CELF2: variants seen among roughly 807,000 people sequenced by gnomAD.
The protein encoded by CELF2 is CUG triplet repeat RNA-binding protein 2.
CELF2 carries 8 observed loss-of-function variants against 62.6 expected under a neutral mutation model. That is an observed-to-expected ratio of 0.13 (90% CI 0.07 to 0.23). The LOEUF (loss-of-function observed/expected upper bound fraction) is 0.23. Ranked by LOEUF, CELF2 falls within the 10% of genes least tolerant of loss-of-function variation. The probability of loss-of-function intolerance (pLI) is 1.00; values close to 1 mark genes in which losing one functional copy is unlikely to be tolerated. For missense variants in CELF2, 333 were observed against 671.0 expected, an observed-to-expected ratio of 0.50 and a Z score of 5.56; for synonymous variants, 258 against 250.0, an observed-to-expected ratio of 1.03 and a Z score of -0.30.
chr10:10,618,541 C>G, the CELF2 span, among the ~76,000 whole-genome samples: 2 of 152,092 alleles, frequency 1.3e-5, no homozygotes, highest in Non-Finnish European at 2.9e-5. Context: ...CAAAGCACCC[C>G]GACCATTCCT....
intron 2 of CELF2, among the ~76,000 whole-genome samples, chr10:11,198,076 C>T (rs996277253): frequency 4.6e-5 from 7 of 152,140 alleles, no homozygotes; most frequent in South Asian, 2.1e-4. Flanking sequence ...TGTGGTTCCA[C>T]GGCTTTTAAC....
intron 1 of CELF2, among the ~76,000 whole-genome samples, chr10:11,121,695 AT>A (rs201186281): frequency 6.6e-6 from 1 of 150,564 alleles, no homozygotes; most frequent in Non-Finnish European, 1.5e-5. Flanking sequence ...AGAGGCTAGT[AT>A]TTTTTTTGTT....
In CELF2 at chr10:11,124,484, C is replaced by G. The variant is rs573585993; in HGVS notation, c.75-41002C>G. Among the ~76,000 whole-genome samples the G allele has an allele frequency of 1.5e-4, 23 of 152,200 alleles. No individual in the cohort carries two copies. The South Asian group carries it at 3.5e-3, about 23-fold the overall frequency. ...GCATTACAAAGATGAATGTAATAAA[C>G]TTGATGTTTTTTAGATCTAAAACAG... On this transcript the variant is annotated intron_variant, in intron 1 of 12. Transcript: ENST00000633077.
chr10:11,158,732 G>A (rs1211788486), intron 1 of CELF2, among the ~76,000 whole-genome samples: 1 of 152,056 alleles, frequency 6.6e-6, no homozygotes, highest in Non-Finnish European at 1.5e-5. Context: ...TTTTCTGCAG[G>A]AATAGTTCTC....
intron 1 of CELF2, among the ~76,000 whole-genome samples, chr10:11,044,066 C>G (rs2062356000): frequency 6.6e-6 from 1 of 152,238 alleles, no homozygotes; most frequent in Non-Finnish European, 1.5e-5. Flanking sequence ...GCCTTTGCGT[C>G]TTCACTTCTT....
chr10:11,265,039 G>C (rs1247627591), intron 5 of CELF2, among the ~76,000 whole-genome samples: 1 of 152,246 alleles, frequency 6.6e-6, no homozygotes, highest in African/African-American at 2.4e-5. Context: ...GTTGTGCTTT[G>C]AGGGTAATGG....
chr10:10,711,699 T>C, the CELF2 span, among the ~76,000 whole-genome samples: 1 of 152,018 alleles, frequency 6.6e-6, no homozygotes, highest in Non-Finnish European at 1.5e-5. Flanking sequence ...TTGGCCAATA[T>C]GGTGAAACTC....
chr10:11,186,564 G>A (rs2074989034), intron 2 of CELF2, among the ~76,000 whole-genome samples: 1 of 151,814 alleles, frequency 6.6e-6, no homozygotes, highest in African/African-American at 2.4e-5. Flanking sequence ...TTTCTCTTTT[G>A]ATTTCTTCTT....
the CELF2 span, among the ~76,000 whole-genome samples, chr10:10,629,388 A>G: frequency 1.3e-5 from 2 of 152,066 alleles, no homozygotes; most frequent in African/African-American, 4.8e-5. Context: ...TGCTCACAAA[A>G]TGCACCCCTA....
the CELF2 span, among the ~76,000 whole-genome samples, chr10:10,530,282 T>C: frequency 2.0e-5 from 3 of 152,138 alleles, no homozygotes; most frequent in African/African-American, 7.2e-5. Flanking sequence ...AAAAAGATTG[T>C]GAGGAGATGT....
At chr10:10,551,661 C>T in the CELF2 span, among the ~76,000 whole-genome samples, 3 of 152,096 alleles carry the variant, frequency 2.0e-5, no homozygotes, top group Non-Finnish European at 4.4e-5. Flanking sequence ...CTGCGCATGC[C>T]CACTAAGGCC....
At chr10:10,630,459 A>T in the CELF2 span, among the ~76,000 whole-genome samples, 1 of 152,164 alleles carries the variant, frequency 6.6e-6, no homozygotes, top group Admixed American at 6.5e-5. Context: ...TCTAATCTCT[A>T]TCTCTACTCC....
At chr10:10,713,899 G>A in the CELF2 span, among the ~76,000 whole-genome samples, 1 of 152,118 alleles carries the variant, frequency 6.6e-6, no homozygotes, top group African/African-American at 2.4e-5. Context: ...GCTGGGTGTG[G>A]CGGCACGTGT....
At chr10:10,919,932 T>C in intron 1 of CELF2, 1 of 1,223,304 alleles carries the variant, frequency 8.2e-7, no homozygotes. Flanking sequence ...ATAAACTTAA[T>C]CATACTTATC....
intron 1 of CELF2, among the ~76,000 whole-genome samples, chr10:10,830,393 T>A (rs1172193520): frequency 6.6e-6 from 1 of 152,180 alleles, no homozygotes; most frequent in Non-Finnish European, 1.5e-5. Flanking sequence ...ATAGCTATTT[T>A]ATAGCAAGTC....
intron 2 of CELF2, among the ~76,000 whole-genome samples, chr10:11,174,318 GT>G (rs1193478621): frequency 2.0e-5 from 3 of 152,178 alleles, no homozygotes; most frequent in Non-Finnish European, 4.4e-5. Flanking sequence ...AAAGGGGCTA[GT>G]TAGCTACACT....
chr10:10,515,387 A>G, the CELF2 span, among the ~76,000 whole-genome samples: 3 of 152,354 alleles, frequency 2.0e-5, no homozygotes, highest in Admixed American at 2.0e-4. Flanking sequence ...CATGTTGACT[A>G]AAGCTCATTC....
At chr10:10,926,524 A>G (rs2065473720) in intron 2 of CELF2, among the ~76,000 whole-genome samples, 1 of 152,236 alleles carries the variant, frequency 6.6e-6, no homozygotes, top group African/African-American at 2.4e-5. Context: ...ATAACAGCAC[A>G]AAACGGACTA....
the CELF2 span, among the ~76,000 whole-genome samples, chr10:10,590,164 C>G: frequency 6.6e-6 from 1 of 152,090 alleles, no homozygotes; most frequent in Non-Finnish European, 1.5e-5. Flanking sequence ...TGTGCATGCA[C>G]ACACACACAC....
Sources: gnomAD v4.1 joint callset for allele counts (sites outside exome capture counted in the v4.1 genomes callset) on GRCh38, gnomAD v4.1.1 for gene constraint, MANE v1.5 for transcripts, NCBI Gene and HGNC (gene_info 2026-07-23, HGNC 2026-07-21) for gene names.